CSNK1A1: variants seen among roughly 807,000 people sequenced by gnomAD.
CSNK1A1 encodes casein kinase 1 alpha 1.
CSNK1A1 carries 7 observed loss-of-function variants against 46.1 expected under a neutral mutation model. That is an observed-to-expected ratio of 0.15 (90% CI 0.09 to 0.29). CSNK1A1 has a LOEUF of 0.29. Among genes scored for constraint, CSNK1A1 ranks in the 10% least tolerant of loss-of-function variants. The probability of loss-of-function intolerance (pLI) is 1.00; values close to 1 mark genes in which losing one functional copy is unlikely to be tolerated. For synonymous variants in CSNK1A1, 137 were observed against 141.5 expected (o/e 0.97, Z 0.23); for missense variants, 96 against 417.1 (o/e 0.23, Z 6.71).
intron 9 of CSNK1A1, 186 bp from the exon 10 acceptor site, chr5:149,497,046 A>T (rs1760675006): frequency 5.0e-6 from 7 of 1,413,816 alleles, no homozygotes; most frequent in East Asian, 2.6e-5. Context: ...CTTAAAACTA[A>T]TTTTTTCTGT....
chr5:149,541,273 C>T (rs1030605737), intron 2 of CSNK1A1, among the ~76,000 whole-genome samples: 1 of 151,636 alleles, frequency 6.6e-6, no homozygotes, highest in Non-Finnish European at 1.5e-5. Context: ...CTGTCTCAGC[C>T]TCCCGAGTAG....
chr5:149,501,319 G>C, intron 9 of CSNK1A1: 3 of 985,348 alleles, frequency 3.0e-6, no homozygotes, highest in Non-Finnish European at 3.6e-6. Flanking sequence ...CGGTTCCCTG[G>C]TACTTCTTAG....
chr5:149,539,550 A>T (rs1762168082), intron 2 of CSNK1A1, among the ~76,000 whole-genome samples: 1 of 151,984 alleles, frequency 6.6e-6, no homozygotes, highest in South Asian at 2.1e-4. Context: ...GGGGGTGAGT[A>T]GCAAAGCAAA....
chr5:149,520,459 T>A, intron 3 of CSNK1A1, 71 bp from the exon 4 acceptor site: 2 of 833,058 alleles, frequency 2.4e-6, no homozygotes, highest in Admixed American at 4.3e-5. Flanking sequence ...CTTAAGTATT[T>A]CAGTATCTCA....
At chr5:149,503,844 G>T (rs999640377) in intron 9 of CSNK1A1, 4 of 985,282 alleles carry the variant, frequency 4.1e-6, no homozygotes, top group African/African-American at 1.7e-5. Flanking sequence ...GGTCAGAAGA[G>T]ATTTCAATCT....
At chr5:149,520,269 T>C (rs748126437) in intron 4 of CSNK1A1, 21 bp downstream of exon 4, 18 of 1,423,602 alleles carry the variant, frequency 1.3e-5, no homozygotes, top group Non-Finnish European at 1.6e-5. Flanking sequence ...TGTTCTTTCA[T>C]GCAAAGAGCA....
intron 5 of CSNK1A1, 108 bp downstream of exon 5, chr5:149,512,962 C>A: frequency 7.6e-7 from 1 of 1,313,116 alleles, no homozygotes. Flanking sequence ...TCCTTCAAAT[C>A]CTCAGCCAAG....
intron 2 of CSNK1A1, among the ~76,000 whole-genome samples, chr5:149,534,332 A>G (rs770372387): frequency 6.6e-6 from 1 of 151,888 alleles, no homozygotes; most frequent in Non-Finnish European, 1.5e-5. Flanking sequence ...AAACACAAAA[A>G]TTAGCTGGGC....
chr5:149,500,858 A>G (rs923014246), intron 9 of CSNK1A1, among the ~76,000 whole-genome samples: 1 of 152,154 alleles, frequency 6.6e-6, no homozygotes, highest in Non-Finnish European at 1.5e-5. Context: ...AGAAACTAAA[A>G]GAGTATTTAA....
intron 9 of CSNK1A1, chr5:149,502,387 C>A: frequency 1.2e-6 from 1 of 854,644 alleles, no homozygotes; most frequent in Non-Finnish European, 1.4e-6. Context: ...GTTGCCCAGG[C>A]TGGAGTGCAG....
rs1016095957 is a variant in CSNK1A1, at chr5:149,496,709, T to C, written c.*144A>G. ...ACCAATGCTGCCCAGAGTCAGTTTA[T>C]ACTGAAATTAAGTTCTTTACACCAA... On this transcript the variant is annotated 3_prime_UTR_variant, in exon 10 of 10. Coordinates refer to ENST00000377843, the MANE Select transcript of CSNK1A1 (RefSeq NM_001892.6). 3.6e-6 allele frequency: 4 copies of C among 1,111,922 alleles called. No individual in the cohort carries two copies. In the African/African-American group the frequency reaches 6.4e-5, roughly 18 times the overall value. The allele number at this position is 1,111,922 out of a possible 1,614,324, so 68.9% of individuals were successfully genotyped here.
intron 2 of CSNK1A1, among the ~76,000 whole-genome samples, chr5:149,540,936 C>T (rs1435163185): frequency 4.0e-5 from 6 of 151,512 alleles, no homozygotes; most frequent in South Asian, 2.1e-4. Flanking sequence ...AAAAATTAGC[C>T]GGGTATGGTG....
chr5:149,532,712 CT>C (rs2113149141), intron 2 of CSNK1A1, among the ~76,000 whole-genome samples: 1 of 152,256 alleles, frequency 6.6e-6, no homozygotes, highest in Admixed American at 6.5e-5. Flanking sequence ...TCAGTGATTT[CT>C]ATTGGTGACA....
intron 2 of CSNK1A1, chr5:149,549,308 A>T: frequency 1.7e-6 from 1 of 597,936 alleles, no homozygotes; most frequent in East Asian, 2.8e-5. Flanking sequence ...AAACGTGCCA[A>T]ATATGACCAT....
chr5:149,519,307 T>G (rs1343118504), intron 4 of CSNK1A1, among the ~76,000 whole-genome samples: 3 of 151,970 alleles, frequency 2.0e-5, no homozygotes, highest in African/African-American at 7.3e-5. Context: ...ACACCAAACA[T>G]TTCCTAATAG....
intron 2 of CSNK1A1, among the ~76,000 whole-genome samples, chr5:149,538,844 C>T (rs1284168047): frequency 1.3e-5 from 2 of 151,844 alleles, no homozygotes; most frequent in Admixed American, 6.6e-5. Flanking sequence ...ATCACTTGAA[C>T]CCAGGAGGCG....
chr5:149,515,559 T>C (rs1054724720), intron 4 of CSNK1A1, among the ~76,000 whole-genome samples: 1 of 151,932 alleles, frequency 6.6e-6, no homozygotes, highest in Non-Finnish European at 1.5e-5. Context: ...TGAAAATACA[T>C]CAGGAAAAAA....
intron 4 of CSNK1A1, among the ~76,000 whole-genome samples, chr5:149,515,495 AAAAAC>A (rs1761372734): frequency 2.6e-5 from 4 of 152,354 alleles, no homozygotes; most frequent in Admixed American, 2.6e-4. Flanking sequence ...ATCTCAATCT[AAAAAC>A]AAAAATCTAA....
rs760677105 is a variant in CSNK1A1, at chr5:149,550,167, C to T, written c.138G>A (p.Lys46=). The T allele has an allele frequency of 1.2e-6, 2 of 1,613,640 alleles. No homozygotes were observed. The highest frequency in any genetic ancestry group is 1.1e-5 in the South Asian group (1 of 91,076). ...GATGCCTGGCCTTCTGAGATTCTAG[C>T]TTCACTGCCACTTCCTGCAGGGGAA... is the stretch of plus-strand genomic sequence containing the variant. ...NITNGEEVAV[K]LESQKARHPQ... Residue 46 remains lysine, a synonymous_variant, in exon 2 of 10, where the codon AAG becomes AAA. Transcript: ENST00000377843. This position sits in a 1 kb window ranked among gnomAD's most constrained non-coding sequence, Gnocchi z 4.3.
Sources: allele counts gnomAD v4.1 joint callset (sites outside exome capture counted in the v4.1 genomes callset), GRCh38; gene constraint gnomAD v4.1.1; non-coding constraint Gnocchi (gnomAD v3.1); transcripts MANE v1.5; gene names NCBI Gene and HGNC (gene_info 2026-07-23, HGNC 2026-07-21).